Variants in RAPGEF1 observed in about 807,000 individuals in gnomAD.
RAPGEF1 encodes Rap guanine nucleotide exchange factor 1.
RAPGEF1 carries 33 observed loss-of-function variants against 143.3 expected under a neutral mutation model. The ratio of observed to expected loss-of-function variants is 0.23; its 90% CI spans 0.17 to 0.31. The LOEUF (loss-of-function observed/expected upper bound fraction) is 0.31, where lower values mean the gene tolerates loss of function less well. Among genes scored for constraint, RAPGEF1 ranks in the 10% least tolerant of loss-of-function variants. The pLI is 1.00. For missense variants in RAPGEF1, 1,199 were observed against 1,645.4 expected, an observed-to-expected ratio of 0.73 and a Z score of 4.69; for synonymous variants, 629 against 676.5, an observed-to-expected ratio of 0.93 and a Z score of 1.09.
At chr9:131,620,101 G>A (rs60071610) in intron 11 of RAPGEF1, among the ~76,000 whole-genome samples, 5,716 of 152,212 alleles carry the variant, frequency 0.038, 217 homozygotes, top group African/African-American at 0.085. Context: ...AGGCCTCCGG[G>A]GGCTGAGCTC....
intron 20 of RAPGEF1, 81 bp from the exon 21 acceptor site, chr9:131,588,107 T>G: frequency 8.2e-7 from 1 of 1,214,220 alleles, no homozygotes; most frequent in Non-Finnish European, 1.2e-6. Context: ...GCTGCGGGCG[T>G]CAGAGCAGGA....
chr9:131,608,145 T>C (rs182185398), intron 12 of RAPGEF1, among the ~76,000 whole-genome samples: 12 of 152,256 alleles, frequency 7.9e-5, no homozygotes, highest in Admixed American at 3.9e-4. Flanking sequence ...ATGAAAACAA[T>C]AGCCCCTCCC....
In RAPGEF1 at chr9:131,650,728, C is replaced by T; in HGVS notation, c.201+82G>A. The T allele has an allele frequency of 6.5e-7, 1 of 1,547,476 alleles. No homozygotes were observed. ...GTATGATGCACTGAAAGCTCAATCCCCAGGGAGGGAACATACAAATCGCAC... is the reference window on the plus strand; with the variant it reads ...GTATGATGCACTGAAAGCTCAATCCTCAGGGAGGGAACATACAAATCGCAC... On this transcript the variant is annotated intron_variant, in intron 2 of 26. Coordinates refer to ENST00000683357, the MANE Select transcript of RAPGEF1 (RefSeq NM_001377935.1). The surrounding 1 kb of genome is among the most constrained non-coding windows in gnomAD (Gnocchi z 4.7).
chr9:131,607,660 C>G (rs1027589627), intron 12 of RAPGEF1, among the ~76,000 whole-genome samples: 2 of 152,128 alleles, frequency 1.3e-5, no homozygotes, highest in African/African-American at 4.8e-5. Context: ...ATTCTCAGAT[C>G]TGCCAGATGT....
intron 15 of RAPGEF1, among the ~76,000 whole-genome samples, chr9:131,600,812 G>A (rs959586989): frequency 1.3e-5 from 2 of 152,056 alleles, no homozygotes; most frequent in African/African-American, 4.8e-5. Flanking sequence ...TGCATACTGG[G>A]GAAATCTACT....
chr9:131,611,219 C>T (rs4740295), intron 12 of RAPGEF1, among the ~76,000 whole-genome samples: 116,803 of 152,162 alleles, frequency 0.77, 45,080 homozygotes, highest in East Asian at 0.84. Context: ...GTCCTGTGGG[C>T]CACACTGTGT....
chr9:131,701,850 T>A (rs12000258), intron 1 of RAPGEF1, among the ~76,000 whole-genome samples: 5,446 of 152,306 alleles, frequency 0.036, 213 homozygotes, highest in East Asian at 0.089. Flanking sequence ...AATTTGAGAT[T>A]TTTACTCTTC....
chr9:131,696,165 C>T (rs1564175812), intron 1 of RAPGEF1, among the ~76,000 whole-genome samples: 1 of 152,174 alleles, frequency 6.6e-6, no homozygotes, highest in Non-Finnish European at 1.5e-5. Context: ...GCGGAAGCTA[C>T]AACATCTTGT....
rs1967929395 is a variant in RAPGEF1 at position 131,641,372 on chromosome 9, G to A, written c.494+1867C>T. 6.6e-6 allele frequency among the ~76,000 whole-genome samples: 1 copy of A among 152,104 alleles called. No homozygotes were observed. The highest frequency in any genetic ancestry group is 1.5e-5 in the Non-Finnish European group (1 of 68,020). ...CTCCCCGGGATACACCAGGCCCAGT[G>A]GCCTCAGTTCCTTTGCTCTTGTTCT... On this transcript the variant is annotated intron_variant, in intron 4 of 26. Coordinates refer to ENST00000683357, the MANE Select transcript of RAPGEF1 (RefSeq NM_001377935.1). This position sits in a 1 kb window ranked among gnomAD's most constrained non-coding sequence, Gnocchi z 4.6.
At chr9:131,680,019 C>A (rs113807918) in intron 1 of RAPGEF1, among the ~76,000 whole-genome samples, 2 of 152,214 alleles carry the variant, frequency 1.3e-5, no homozygotes, top group Non-Finnish European at 2.9e-5. Flanking sequence ...GTCTGCCATA[C>A]GCATCTAGCT....
At chr9:131,587,712 G>C (rs1179623874) in intron 22 of RAPGEF1, 24 bp downstream of exon 22, 1 of 1,605,986 alleles carries the variant, frequency 6.2e-7, no homozygotes, top group East Asian at 2.2e-5. Flanking sequence ...AGAGCAACAG[G>C]GCTTGGCGCT....
At chr9:131,686,964 G>C (rs1160964081) in intron 1 of RAPGEF1, among the ~76,000 whole-genome samples, 1 of 152,222 alleles carries the variant, frequency 6.6e-6, no homozygotes, top group Non-Finnish European at 1.5e-5. Context: ...TAAGTTGACT[G>C]CTGAGGTGTT....
intron 17 of RAPGEF1, among the ~76,000 whole-genome samples, chr9:131,594,979 G>C (rs1371502787): frequency 6.6e-6 from 1 of 152,250 alleles, no homozygotes; most frequent in Non-Finnish European, 1.5e-5. Flanking sequence ...CAGGCAGGGA[G>C]GGGGATTCAC....
intron 1 of RAPGEF1, chr9:131,709,908 G>A (rs1037305680): frequency 2.0e-6 from 2 of 985,416 alleles, no homozygotes; most frequent in African/African-American, 3.5e-5. Flanking sequence ...TCAGAAGAAA[G>A]GGCTTGTTAT....
At chr9:131,657,427 G>A (rs1470804841) in intron 1 of RAPGEF1, among the ~76,000 whole-genome samples, 3 of 152,192 alleles carry the variant, frequency 2.0e-5, no homozygotes, top group Admixed American at 6.5e-5. Flanking sequence ...TGTAGAATTT[G>A]TATATGCGTC....
intron 1 of RAPGEF1, among the ~76,000 whole-genome samples, chr9:131,661,932 T>C (rs1303962948): frequency 6.6e-6 from 1 of 152,226 alleles, no homozygotes; most frequent in Non-Finnish European, 1.5e-5. Flanking sequence ...CAATCTCTTC[T>C]CCCTTACTGT....
intron 1 of RAPGEF1, among the ~76,000 whole-genome samples, chr9:131,697,249 A>G (rs954561147): frequency 1.1e-4 from 17 of 152,146 alleles, no homozygotes; most frequent in African/African-American, 2.9e-4. Flanking sequence ...AGGGACTCCA[A>G]GAAGGGCCCA....
chr9:131,582,748 C>T (rs754911385), intron 24 of RAPGEF1, 46 bp from the exon 25 acceptor site: 16 of 1,491,250 alleles, frequency 1.1e-5, no homozygotes, highest in African/African-American at 2.9e-5. Context: ...TGAGCGAGTG[C>T]TGGGGCAATG....
intron 1 of RAPGEF1, among the ~76,000 whole-genome samples, chr9:131,709,277 C>T (rs543792260): frequency 2.6e-5 from 4 of 152,162 alleles, no homozygotes; most frequent in South Asian, 2.1e-4. Context: ...ACCTGGGAGG[C>T]GGAGGTTGCA....
Sources: gnomAD v4.1 joint callset for allele counts (sites outside exome capture counted in the v4.1 genomes callset) on GRCh38, gnomAD v4.1.1 for gene constraint, Gnocchi (gnomAD v3.1) non-coding constraint, MANE v1.5 for transcripts, NCBI Gene and HGNC (gene_info 2026-07-23, HGNC 2026-07-21) for gene names.